The following SERINC1 variants were observed in gnomAD, a reference collection of about 807,000 sequenced individuals.
The protein encoded by SERINC1 is serine incorporator 1, also known as tumor differentially expressed protein 2.
SERINC1 carries 38 observed loss-of-function variants against 52.9 expected under a neutral mutation model. The observed-to-expected ratio is 0.72, with a 90% CI of 0.55 to 0.94. The LOEUF (loss-of-function observed/expected upper bound fraction) is 0.94. SERINC1 is among the 40% of genes least tolerant of loss of function. The probability of loss-of-function intolerance (pLI) is 0.00; values close to 1 mark genes in which losing one functional copy is unlikely to be tolerated. For missense variants in SERINC1, 471 were observed against 533.9 expected (o/e 0.88, Z 1.16); for synonymous variants, 198 against 183.1 (o/e 1.08, Z -0.66).
At chr6:122,448,093 C>T (rs1338330572) in intron 7 of SERINC1, among the ~76,000 whole-genome samples, 2 of 145,550 alleles carry the variant, frequency 1.4e-5, no homozygotes, top group East Asian at 2.0e-4. Flanking sequence ...AACGACAGAG[C>T]GAGACTCTGT....
At chr6:122,453,256 C>T (rs1255323949) in intron 5 of SERINC1, among the ~76,000 whole-genome samples, 2 of 152,160 alleles carry the variant, frequency 1.3e-5, no homozygotes, top group Admixed American at 1.3e-4. Flanking sequence ...GACTCAACAT[C>T]ATCATTATAA....
Position 122,453,963 on chromosome 6 carries a change from C to T in SERINC1, c.452-56G>A, listed in dbSNP as rs896719372. ...TTGGTTAGTTTGATTTTTATCATTT[C>T]CTTTCAAAATCACAGTACACAAAAA... On this transcript the variant is annotated intron_variant, in intron 4 of 9. Transcript: ENST00000339697. 5.3e-6 allele frequency: 8 copies of T among 1,516,232 alleles called. No homozygotes were observed. The African/African-American group carries it at 9.9e-5, about 19-fold the overall frequency. The allele number at this position is 1,516,232 out of a possible 1,614,324, so 93.9% of individuals were successfully genotyped here. A position where few individuals can be genotyped will look rare whatever the true frequency, so the allele number is the denominator to read the frequency against.
chr6:122,464,394 T>A (rs1209899803), intron 1 of SERINC1, among the ~76,000 whole-genome samples: 1 of 152,104 alleles, frequency 6.6e-6, no homozygotes, highest in Non-Finnish European at 1.5e-5. Flanking sequence ...GCACACTACT[T>A]TTTGAGAAGG....
intron 1 of SERINC1, among the ~76,000 whole-genome samples, chr6:122,460,037 C>T (rs1244053077): frequency 1.3e-5 from 2 of 152,124 alleles, no homozygotes; most frequent in Non-Finnish European, 2.9e-5. Flanking sequence ...TAAGAGGAGA[C>T]AATGTGAGCC....
chr6:122,447,060 G>GA, intron 8 of SERINC1, 56 bp from the exon 9 acceptor site: 5 of 1,577,606 alleles, frequency 3.2e-6, no homozygotes, highest in Non-Finnish European at 4.3e-6. Flanking sequence ...TAAAAGAAAT[G>GA]ATTCATAAAT....
intron 1 of SERINC1, among the ~76,000 whole-genome samples, chr6:122,460,533 T>C (rs1775083460): frequency 6.6e-6 from 1 of 152,210 alleles, no homozygotes; most frequent in African/African-American, 2.4e-5. Flanking sequence ...AACTAAAGGC[T>C]GCACTAGTTG....
chr6:122,446,899 A>T lies in SERINC1; in HGVS notation c.1101T>A (p.Asp367Glu). 6.2e-7 allele frequency: 1 copy of T among 1,613,328 alleles called. No individual in the cohort carries two copies. The highest frequency in any genetic ancestry group is 1.1e-5 in the South Asian group (1 of 91,062). ...GGARSDGSLE[D>E]GDDVHRAVDN... ...CTACAGCTCGGTGAACATCGTCCCC[A>T]TCCTCCAGTGATCCATCACTTCTAG... Residue 367 changes from aspartate to glutamate, a missense_variant, in exon 9 of 10, where the codon GAT becomes GAA. Coordinates refer to ENST00000339697, the MANE Select transcript of SERINC1 (RefSeq NM_020755.4).
At position 122,471,682 on chromosome 6, in the gene SERINC1, C is replaced by A. The variant is rs1461878868; in HGVS notation, c.39+17G>T. 5.6e-6 allele frequency: 9 copies of A among 1,613,994 alleles called. No individual in the cohort carries two copies. The highest frequency in any genetic ancestry group is 1.7e-5 in the Admixed American group (1 of 59,988). ...TCTCTCACACTAGCACCCCAGAGGC[C>A]GCAAAAAGCACCTTACCCAGCTCGC... On this transcript the variant is annotated intron_variant, in intron 1 of 9. Coordinates refer to ENST00000339697, the MANE Select transcript of SERINC1 (RefSeq NM_020755.4).
chr6:122,449,287 G>C (rs1370205975), intron 7 of SERINC1, among the ~76,000 whole-genome samples: 1 of 152,208 alleles, frequency 6.6e-6, no homozygotes, highest in African/African-American at 2.4e-5. Context: ...CAAAAGCTGA[G>C]ACAGGTCAAA....
rs143279957 is a variant in SERINC1, at chr6:122,465,268, TGTAA to T, written c.39+6427_39+6430del. On this transcript the variant is annotated intron_variant, in intron 1 of 9. Coordinates refer to ENST00000339697, the MANE Select transcript of SERINC1 (RefSeq NM_020755.4). ...AGGAACTGGTGGCACCAGGAGTCTC[TGTAA>T]GTGACACTAAAGGTATAGTAAAAAT... is the stretch of plus-strand genomic sequence containing the variant. 2.9e-3 allele frequency among the ~76,000 whole-genome samples: 443 copies of T among 152,260 alleles called. 2 individuals carry two copies. Among genetic ancestry groups the T allele is most frequent in the African/African-American group, 0.01 (420 of 41,544 alleles).
chr6:122,448,043 G>A (rs372440550), intron 7 of SERINC1, among the ~76,000 whole-genome samples: 12 of 151,668 alleles, frequency 7.9e-5, no homozygotes, highest in African/African-American at 2.7e-4. Context: ...CCCGGGAGGC[G>A]GTTGCAGTGA....
At chr6:122,468,747 G>T (rs1256888185) in intron 1 of SERINC1, among the ~76,000 whole-genome samples, 1 of 152,110 alleles carries the variant, frequency 6.6e-6, no homozygotes, top group Non-Finnish European at 1.5e-5. Flanking sequence ...ACCATTCATA[G>T]CAACTATAAA....
At chr6:122,453,734 C>A in intron 5 of SERINC1, 36 bp downstream of exon 5, 1 of 1,531,182 alleles carries the variant, frequency 6.5e-7, no homozygotes, top group South Asian at 1.3e-5. Flanking sequence ...CTTCAAAGTT[C>A]AACTATACTG....
At chr6:122,453,747 G>T in intron 5 of SERINC1, 23 bp downstream of exon 5, 1 of 1,576,696 alleles carries the variant, frequency 6.3e-7, no homozygotes, top group South Asian at 1.2e-5. Flanking sequence ...CTATACTGAA[G>T]TTGTTCTGCG....
Position 122,451,770 on chromosome 6 carries a change from A to ATATATATAT in SERINC1, c.760-17_760-16insATATATATA. ...GTTGTGATTCCTACAAAAAAAAAAA[A>ATATATATAT]AAAAAAATATATATATATATATATA... On this transcript the variant is annotated splice_polypyrimidine_tract_variant and intron_variant, in intron 6 of 9. Coordinates refer to ENST00000339697, the MANE Select transcript of SERINC1 (RefSeq NM_020755.4). 3.9e-6 allele frequency: 1 copy of ATATATATAT among 258,360 alleles called. No homozygotes were observed. The allele number at this position is 258,360 out of a possible 1,614,324, so 16.0% of individuals were successfully genotyped here. A position where few individuals can be genotyped will look rare whatever the true frequency, so the allele number is the denominator to read the frequency against.
chr6:122,461,581 C>T (rs1360247716), intron 1 of SERINC1, among the ~76,000 whole-genome samples: 3 of 150,866 alleles, frequency 2.0e-5, no homozygotes, highest in Non-Finnish European at 4.4e-5. Context: ...GTGGGTGCAG[C>T]GCACCAGCAT....
chr6:122,456,588 T>C lies in SERINC1; in HGVS notation c.264A>G (p.Lys88=). ...VVPCNILVGY[K]AVYRLCFGLA... ...AACCAAAGCACAAACGATATACAGC[T>C]TTATAGCCAACCAAAATGTTACAAG... Residue 88 remains lysine, a synonymous_variant, in exon 3 of 10, where the codon AAA becomes AAG. Coordinates refer to ENST00000339697, the MANE Select transcript of SERINC1 (RefSeq NM_020755.4). 1 of 1,612,284 alleles carries C rather than the reference T, an allele frequency of 6.2e-7. No homozygotes were observed.
At chr6:122,448,035 C>T (rs553275736) in intron 7 of SERINC1, among the ~76,000 whole-genome samples, 1 of 150,592 alleles carries the variant, frequency 6.6e-6, no homozygotes, top group South Asian at 2.1e-4. Flanking sequence ...GACTCGAACC[C>T]GGGAGGCGGT....
intron 2 of SERINC1, among the ~76,000 whole-genome samples, chr6:122,457,947 T>G (rs1426488896): frequency 1.3e-5 from 2 of 152,042 alleles, no homozygotes; most frequent in Non-Finnish European, 2.9e-5. Flanking sequence ...TAGCAATACT[T>G]TCCTCCCGGT....
Sources: allele counts gnomAD v4.1 joint callset (sites outside exome capture counted in the v4.1 genomes callset), GRCh38; gene constraint gnomAD v4.1.1; transcripts MANE v1.5; gene names NCBI Gene and HGNC (gene_info 2026-07-23, HGNC 2026-07-21).